RBP5: variants seen among roughly 807,000 people sequenced by gnomAD.
RBP5 encodes retinol binding protein 5.
RBP5 carries 12 observed loss-of-function variants against 17.8 expected under a neutral mutation model. That is an observed-to-expected ratio of 0.67 (90% CI 0.43 to 1.09). The LOEUF is 1.09. RBP5 is among the 50% of genes least tolerant of loss of function. The pLI, the probability that RBP5 is intolerant of heterozygous loss-of-function variation, is 0.00. For missense variants in RBP5, 172 were observed against 169.4 expected (o/e 1.02, Z -0.09); for synonymous variants, 64 against 68.1 (o/e 0.94, Z 0.30).
Position 7,124,045 on chromosome 12 carries a change from A to T in RBP5, c.*76T>A. ...GAGGAAGGGACAGCTGACCTGGCAC[A>T]ATCTGGGCTTGAAGGGGGCACAACA... is the stretch of plus-strand genomic sequence containing the variant. On this transcript the variant is annotated 3_prime_UTR_variant, in exon 4 of 4. Coordinates refer to ENST00000266560, the MANE Select transcript of RBP5 (RefSeq NM_031491.4). The surrounding 1 kb of genome is among the most constrained non-coding windows in gnomAD (Gnocchi z 5.3). The T allele has an allele frequency of 7.0e-7, 1 of 1,425,882 alleles. No homozygotes were observed. Among genetic ancestry groups the T allele is most frequent in the Non-Finnish European group, 9.9e-7 (1 of 1,008,808 alleles). The allele number at this position is 1,425,882 out of a possible 1,614,324, so 88.3% of individuals were successfully genotyped here.
rs1259047246 is a variant in RBP5, at chr12:7,128,614, G to A, written c.73+89C>T. ...GAGCCTTTCCACAGTGTCCAACCCC[G>A]GGCATTCCCTCTTCTCCATGGGACC... On this transcript the variant is annotated intron_variant, in intron 1 of 3. Transcript: ENST00000266560. This position sits in a 1 kb window ranked among gnomAD's most constrained non-coding sequence, Gnocchi z 5.3. The A allele has an allele frequency of 1.4e-5, 18 of 1,320,900 alleles. No individual in the cohort carries two copies. The highest frequency in any genetic ancestry group is 5.0e-5 in the South Asian group (4 of 79,262). 81.8% of individuals were successfully genotyped at this position (1,320,900 alleles called of 1,614,324 possible). A position where few individuals can be genotyped will look rare whatever the true frequency, so the allele number is the denominator to read the frequency against.
At chr12:7,125,815 A>C (rs1324589939) in intron 2 of RBP5, among the ~76,000 whole-genome samples, 1 of 152,228 alleles carries the variant, frequency 6.6e-6, no homozygotes. Context: ...ATGCTGAGTT[A>C]AGTGTAACAG....
chr12:7,117,548 C>T lies in RBP5; in HGVS notation n.890-241G>A, dbSNP rs759471049. 2.6e-5 allele frequency: 4 copies of T among 152,182 alleles called. No homozygotes were observed. The highest frequency in any genetic ancestry group is 9.6e-5 in the African/African-American group (4 of 41,516). 9.4% of individuals were successfully genotyped at this position (152,182 alleles called of 1,614,324 possible). A position where few individuals can be genotyped will look rare whatever the true frequency, so the allele number is the denominator to read the frequency against. ...TCCTCCACCTTGAGATCTGTAGAGG[C>T]CTCTCGTTCATCCCACCAAGAGCAG... is the stretch of plus-strand genomic sequence containing the variant. On this transcript the variant is annotated intron_variant and non_coding_transcript_variant, in intron 3 of 3. Coordinates refer to the RBP5 transcript ENST00000619522. The surrounding 1 kb of genome is among the most constrained non-coding windows in gnomAD (Gnocchi z 4.9).
chr12:7,127,229 G>C (rs1939186265), intron 2 of RBP5, among the ~76,000 whole-genome samples: 1 of 151,980 alleles, frequency 6.6e-6, no homozygotes, highest in Non-Finnish European at 1.5e-5. Context: ...CTTGACCTCA[G>C]GTGATCCGCC....
chr12:7,127,820 T>G, intron 2 of RBP5: 1 of 670,992 alleles, frequency 1.5e-6, no homozygotes, highest in Non-Finnish European at 2.7e-6. Context: ...AAAACTCCAG[T>G]TTAAAGGATT....
chr12:7,122,958 G>A (rs901492113), downstream of RBP5, among the ~76,000 whole-genome samples: 15 of 152,092 alleles, frequency 9.9e-5, no homozygotes, highest in African/African-American at 3.4e-4. Flanking sequence ...TGTCTTGTGT[G>A]CATGGGGGGG....
rs1459719829 is a variant in RBP5 at position 7,124,673 on chromosome 12, TG to T, written c.309del (p.Asn104ThrfsTer17). The T allele has an allele frequency of 6.2e-7, 1 of 1,613,440 alleles. No individual in the cohort carries two copies. The highest frequency in any genetic ancestry group is 1.7e-5 in the Admixed American group (1 of 60,014). Reference protein sequence around the residue: ...HLVCVQKGEVPNRGWRHWLEG... With the variant: ...HLVCVQKGEVXNRGWRHWLEG... ...TCCAGCCAGTGTCTCCAGCCCCGGT[TG>T]GGGACCTCCCCTTTCTGCACACACA... On this transcript the variant is annotated frameshift_variant, in exon 3 of 4. Transcript: ENST00000266560. LOFTEE classifies it high-confidence loss of function. This position sits in a 1 kb window ranked among gnomAD's most constrained non-coding sequence, Gnocchi z 5.3.
At chr12:7,126,078 A>AAAC (rs1555167348) in intron 2 of RBP5, among the ~76,000 whole-genome samples, 1 of 151,488 alleles carries the variant, frequency 6.6e-6, no homozygotes, top group Admixed American at 6.6e-5. Flanking sequence ...CCAAAAAAAA[A>AAAC]AAAACACAAA....
rs1939020699 is a variant in RBP5 at position 7,117,525 on chromosome 12, C to CTGAAGCGAGCATA, written n.890-219_890-218insTATGCTCGCTTCA. 6.6e-6 allele frequency: 1 copy of CTGAAGCGAGCATA among 152,188 alleles called. No homozygotes were observed. Among genetic ancestry groups the CTGAAGCGAGCATA allele is most frequent in the Admixed American group, 6.5e-5 (1 of 15,276 alleles). 9.4% of individuals were successfully genotyped at this position (152,188 alleles called of 1,614,324 possible). A position where few individuals can be genotyped will look rare whatever the true frequency, so the allele number is the denominator to read the frequency against. On this transcript the variant is annotated intron_variant and non_coding_transcript_variant, in intron 3 of 3. Coordinates refer to the RBP5 transcript ENST00000619522. The surrounding 1 kb of genome is among the most constrained non-coding windows in gnomAD (Gnocchi z 4.9). The stretch of plus-strand genomic sequence containing the variant: ...CTTTGGGGGCTCTGACCCTCTCCTC[C>CTGAAGCGAGCATA]TCCACCTTGAGATCTGTAGAGGCCT...
chr12:7,123,930 G>A lies in RBP5; in HGVS notation c.*191C>T. ...AGTGAGGTCACTATTGGGCAGTGGAGTGTGAGAAAGGACTTTGGCCTGGGG... is the reference window on the plus strand; with the variant it reads ...AGTGAGGTCACTATTGGGCAGTGGAATGTGAGAAAGGACTTTGGCCTGGGG... On this transcript the variant is annotated 3_prime_UTR_variant, in exon 4 of 4. Coordinates refer to ENST00000266560, the MANE Select transcript of RBP5 (RefSeq NM_031491.4). 1 of 600,488 alleles carries A rather than the reference G, an allele frequency of 1.7e-6. No individual in the cohort carries two copies. The highest frequency in any genetic ancestry group is 1.9e-5 in the South Asian group (1 of 51,582). The allele number at this position is 600,488 out of a possible 1,614,324, so 37.2% of individuals were successfully genotyped here. A position where few individuals can be genotyped will look rare whatever the true frequency, so the allele number is the denominator to read the frequency against.
rs748225475 is a variant in RBP5 at position 7,128,747 on chromosome 12, C to T, written c.29G>A (p.Arg10His). The change falls in exon 1 of 4, where the codon CGC becomes CAC. Residue 10 changes from arginine to histidine, a missense_variant. Transcript: ENST00000266560. The surrounding 1 kb of genome is among the most constrained non-coding windows in gnomAD (Gnocchi z 5.3). MPPNLTGYY[R>H]FVSQKNMEDY... is the part of the protein sequence containing the mutation. Reference sequence around the variant, plus strand: ...CTCCATGTTCTTCTGCGAGACAAAGCGGTAGTAGCCAGTGAGGTTGGGAGG... The same window carrying T: ...CTCCATGTTCTTCTGCGAGACAAAGTGGTAGTAGCCAGTGAGGTTGGGAGG... 2 of 1,604,874 alleles carry T rather than the reference C, an allele frequency of 1.2e-6. No individual in the cohort carries two copies. The highest frequency in any genetic ancestry group is 2.2e-5 in the East Asian group (1 of 44,566).
At chr12:7,120,178 C>A (rs1263337688), downstream of RBP5, among the ~76,000 whole-genome samples, 3 of 151,950 alleles carry the variant, frequency 2.0e-5, no homozygotes, top group Non-Finnish European at 4.4e-5. Context: ...GTCAAGAAGC[C>A]CTTGAGAAAG....
At position 7,128,663 on chromosome 12, in the gene RBP5, G is replaced by A; in HGVS notation, c.73+40C>T. ...CCAAGAAGCAGGAAGGAAGAGGGGA[G>A]AAAGGGAGTGACAGGGGTCTGGGAG... On this transcript the variant is annotated intron_variant, in intron 1 of 3. Transcript: ENST00000266560. The surrounding 1 kb of genome is among the most constrained non-coding windows in gnomAD (Gnocchi z 5.3). 2 of 1,503,898 alleles carry A rather than the reference G, an allele frequency of 1.3e-6. No homozygotes were observed. The highest frequency in any genetic ancestry group is 1.8e-6 in the Non-Finnish European group (2 of 1,098,082). 93.2% of individuals were successfully genotyped at this position (1,503,898 alleles called of 1,614,324 possible).
chr12:7,129,825 C>G (rs916476199), upstream of RBP5: 82 of 985,624 alleles, frequency 8.3e-5, no homozygotes, highest in Non-Finnish European at 2.3e-5. The surrounding 1 kb of genome is among the most constrained non-coding windows in gnomAD (Gnocchi z 5.5). Context: ...CCGGTCCCGA[C>G]AGGTGCGTGC....
chr12:7,121,474 C>T (rs1223950870), downstream of RBP5, among the ~76,000 whole-genome samples: 1 of 152,092 alleles, frequency 6.6e-6, no homozygotes, highest in Non-Finnish European at 1.5e-5. Context: ...GGCACGTAGG[C>T]GTCAGGGTCA....
chr12:7,115,747 A>G (rs1441156380), exon 4 of RBP5: 2 of 152,264 alleles, frequency 1.3e-5, no homozygotes, highest in Admixed American at 1.3e-4. Flanking sequence ...TCATGAAGAG[A>G]AGAAGTTTAA....
chr12:7,128,245 A>G lies in RBP5; in HGVS notation c.247T>C (p.Cys83Arg), dbSNP rs756518521. 6.2e-6 allele frequency: 10 copies of G among 1,609,364 alleles called. No homozygotes were observed. The African/African-American group carries it at 1.2e-4, about 19-fold the overall frequency. ...CCCAGCCAGGGGAAATGTACCTGGC[A>G]TTTTCGTCCGTCCACGCTCCTGAGG... ...EDLRSVDGRKCQTIVTWEEEH... is the reference protein window; with the variant it reads ...EDLRSVDGRKRQTIVTWEEEH... Residue 83 changes from cysteine to arginine, a missense_variant, in exon 2 of 4, where the codon TGC becomes CGC. Physicochemically the swap from Cys to Arg is radical, Grantham distance 180. Transcript: ENST00000266560. This position sits in a 1 kb window ranked among gnomAD's most constrained non-coding sequence, Gnocchi z 5.3.
intron 2 of RBP5, among the ~76,000 whole-genome samples, chr12:7,125,266 G>C (rs969202985): frequency 3.9e-5 from 6 of 152,196 alleles, no homozygotes; most frequent in African/African-American, 4.8e-5. Flanking sequence ...CTTTAGGGGA[G>C]AGCAGGGGTG....
At position 7,128,691 on chromosome 12, in the gene RBP5, C is replaced by T. The variant is rs116284898; in HGVS notation, c.73+12G>A. On this transcript the variant is annotated intron_variant, in intron 1 of 3. Coordinates refer to ENST00000266560, the MANE Select transcript of RBP5 (RefSeq NM_031491.4). This position sits in a 1 kb window ranked among gnomAD's most constrained non-coding sequence, Gnocchi z 5.3. ...AGGGAGTGACAGGGGTCTGGGAGGGCGAGGCCATTACTTAGGGCTTGCAGG... is the reference window on the plus strand; with the variant it reads ...AGGGAGTGACAGGGGTCTGGGAGGGTGAGGCCATTACTTAGGGCTTGCAGG... 1.3e-3 allele frequency: 2,002 copies of T among 1,585,866 alleles called. 22 individuals are homozygous for T. The African/African-American group carries it at 0.024, about 19-fold the overall frequency.
Sources: gnomAD v4.1 joint callset for allele counts (sites outside exome capture counted in the v4.1 genomes callset) on GRCh38, gnomAD v4.1.1 for gene constraint, Gnocchi (gnomAD v3.1) non-coding constraint, MANE v1.5 for transcripts, NCBI Gene and HGNC (gene_info 2026-07-23, HGNC 2026-07-21) for gene names.